Variants in TGFBR3 observed in about 807,000 individuals in gnomAD.
The protein encoded by TGFBR3 is transforming growth factor beta receptor type 3.
Under a neutral mutation model 87.9 loss-of-function variants are expected in TGFBR3, and 46 were observed. That is an observed-to-expected ratio of 0.52 (90% CI 0.41 to 0.67). TGFBR3 has a LOEUF of 0.67. Ranked by LOEUF, TGFBR3 falls within the 30% of genes least tolerant of loss-of-function variation. The pLI, the probability that TGFBR3 is intolerant of heterozygous loss-of-function variation, is 0.00. For missense variants in TGFBR3, 866 were observed against 1,041.9 expected (o/e 0.83, Z 2.32); for synonymous variants, 381 against 391.6 (o/e 0.97, Z 0.32).
chr1:91,751,983 G>T (rs568346192), intron 4 of TGFBR3, among the ~76,000 whole-genome samples: 7 of 152,314 alleles, frequency 4.6e-5, no homozygotes, highest in African/African-American at 1.7e-4. Flanking sequence ...AGATGAGCTA[G>T]TACGATCCCC....
intron 3 of TGFBR3, among the ~76,000 whole-genome samples, chr1:91,769,241 C>T (rs2100927397): frequency 6.6e-6 from 1 of 152,340 alleles, no homozygotes; most frequent in Middle Eastern, 3.4e-3. Context: ...ATTATTACTT[C>T]TACCCACTAA....
intron 8 of TGFBR3, 121 bp from the exon 9 acceptor site, chr1:91,720,351 G>T: frequency 2.1e-6 from 2 of 957,914 alleles, no homozygotes; most frequent in Admixed American, 2.0e-5. Context: ...CTTTTAATAA[G>T]CAGTGCATAA....
At chr1:91,895,457 C>G (rs1428646281) in intron 2 of TGFBR3, among the ~76,000 whole-genome samples, 1 of 152,012 alleles carries the variant, frequency 6.6e-6, no homozygotes, top group Non-Finnish European at 1.5e-5. Context: ...AATTAAACCT[C>G]TTTTCTTATA....
chr1:91,721,262 A>C (rs954832837), intron 8 of TGFBR3, among the ~76,000 whole-genome samples: 2 of 152,200 alleles, frequency 1.3e-5, no homozygotes, highest in Non-Finnish European at 2.9e-5. Context: ...CAACCCTGTA[A>C]GGTCTGTCCT....
chr1:91,774,797 T>C (rs1009271434), intron 3 of TGFBR3, among the ~76,000 whole-genome samples: 10 of 152,194 alleles, frequency 6.6e-5, no homozygotes, highest in Non-Finnish European at 1.3e-4. Flanking sequence ...CCTGACATTT[T>C]TTTTTCCAAG....
At chr1:91,761,220 T>C (rs1230690620) in intron 3 of TGFBR3, among the ~76,000 whole-genome samples, 1 of 152,218 alleles carries the variant, frequency 6.6e-6, no homozygotes, top group African/African-American at 2.4e-5. Context: ...GAATTTTTTA[T>C]AAAAGCTCAT....
intron 3 of TGFBR3, among the ~76,000 whole-genome samples, chr1:91,769,110 T>C (rs1397096500): frequency 6.6e-6 from 1 of 152,204 alleles, no homozygotes; most frequent in Non-Finnish European, 1.5e-5. Flanking sequence ...GTTTCATCAA[T>C]TGTAACATGG....
intron 2 of TGFBR3, among the ~76,000 whole-genome samples, chr1:91,807,919 A>G (rs193209437): frequency 6.6e-6 from 1 of 152,328 alleles, no homozygotes; most frequent in East Asian, 1.9e-4. Context: ...ATATGTGAAA[A>G]CGCTTTACAA....
chr1:91,727,792 T>A lies in TGFBR3; in HGVS notation c.752A>T (p.Asp251Val). 6.2e-7 allele frequency: 1 copy of A among 1,613,904 alleles called. No homozygotes were observed. Among genetic ancestry groups the A allele is most frequent in the Non-Finnish European group, 8.5e-7 (1 of 1,179,974 alleles). The change falls in exon 7 of 17, where the codon GAT (aspartate) becomes GTT (valine). Residue 251 changes from aspartate to valine, a missense_variant. Physicochemically the swap from Asp to Val is radical, Grantham distance 152 (BLOSUM62 -3). Coordinates refer to ENST00000212355, the MANE Select transcript of TGFBR3 (RefSeq NM_003243.5). ...NSNPYSAFQVDITIDIRPSQE... is the reference protein window; with the variant it reads ...NSNPYSAFQVVITIDIRPSQE... ...AGAAGGTCTTATATCAATTGTTATATCCACCTGGAAAGCACTGTGAATGGA... is the reference window on the plus strand; with the variant it reads ...AGAAGGTCTTATATCAATTGTTATAACCACCTGGAAAGCACTGTGAATGGA...
At chr1:91,710,239 C>G (rs1188213321) in intron 13 of TGFBR3, among the ~76,000 whole-genome samples, 1 of 152,158 alleles carries the variant, frequency 6.6e-6, no homozygotes, top group African/African-American at 2.4e-5. Context: ...TCAGACACTT[C>G]TTATAAGACA....
At chr1:91,735,237 A>C (rs1672924580) in intron 4 of TGFBR3, among the ~76,000 whole-genome samples, 1 of 152,224 alleles carries the variant, frequency 6.6e-6, no homozygotes, top group African/African-American at 2.4e-5. Flanking sequence ...AAGAATTATC[A>C]CTGCTATTTC....
chr1:91,903,202 G>A (rs1679769853), intron 1 of TGFBR3, among the ~76,000 whole-genome samples: 1 of 151,372 alleles, frequency 6.6e-6, no homozygotes, highest in Non-Finnish European at 1.5e-5. Context: ...AGCCAGGCGT[G>A]GTAGTGTGTG....
chr1:91,698,951 TCCC>T, intron 14 of TGFBR3, among the ~76,000 whole-genome samples: 1 of 147,662 alleles, frequency 6.8e-6, no homozygotes, highest in Non-Finnish European at 1.5e-5. Flanking sequence ...ACCACTACCC[TCCC>T]CCCAATTATT....
At chr1:91,784,558 G>A (rs1450636686) in intron 3 of TGFBR3, among the ~76,000 whole-genome samples, 2 of 152,170 alleles carry the variant, frequency 1.3e-5, no homozygotes, top group Admixed American at 1.3e-4. Context: ...AGAAGATTCA[G>A]AGCGATGTTT....
At chr1:91,861,857 CTTTTTT>C in intron 1 of TGFBR3, 2 of 247,856 alleles carry the variant, frequency 8.1e-6, no homozygotes, top group Non-Finnish European at 7.6e-6. Context: ...TTGTTATTGG[CTTTTTT>C]TTTTTTTTTT....
chr1:91,849,679 G>T (rs1677642226), intron 2 of TGFBR3, among the ~76,000 whole-genome samples: 1 of 152,180 alleles, frequency 6.6e-6, no homozygotes, highest in Non-Finnish European at 1.5e-5. Flanking sequence ...TATCTGTTTT[G>T]TTTACTACTA....
intron 2 of TGFBR3, among the ~76,000 whole-genome samples, chr1:91,806,827 A>G (rs1489696310): frequency 6.6e-6 from 1 of 152,188 alleles, no homozygotes; most frequent in Non-Finnish European, 1.5e-5. Context: ...AAAGAGGGAC[A>G]AACTCCCACA....
intron 2 of TGFBR3, among the ~76,000 whole-genome samples, chr1:91,821,102 G>C (rs555279397): frequency 6.6e-6 from 1 of 152,180 alleles, no homozygotes; most frequent in African/African-American, 2.4e-5. Flanking sequence ...GACTGAGGCA[G>C]GCAGATCACC....
chr1:91,900,353 A>T (rs995740170), intron 1 of TGFBR3, among the ~76,000 whole-genome samples: 1 of 152,174 alleles, frequency 6.6e-6, no homozygotes, highest in Non-Finnish European at 1.5e-5. Context: ...ACCTCGGGTG[A>T]TCTGCCTGCC....
Sources: allele counts gnomAD v4.1 joint callset (sites outside exome capture counted in the v4.1 genomes callset), GRCh38; gene constraint gnomAD v4.1.1; transcripts MANE v1.5; gene names NCBI Gene and HGNC (gene_info 2026-07-23, HGNC 2026-07-21).